Variants in FNBP1L observed in about 807,000 individuals in gnomAD.
FNBP1L encodes the protein formin-binding protein 1-like.
Under a neutral mutation model 91.2 loss-of-function variants are expected in FNBP1L, and 36 were observed. That is an observed-to-expected ratio of 0.39 (90% CI 0.30 to 0.52). The LOEUF is 0.52. Among genes scored for constraint, FNBP1L ranks in the 20% least tolerant of loss-of-function variants. The pLI, the probability that FNBP1L is intolerant of heterozygous loss-of-function variation, is 0.66. For synonymous variants in FNBP1L, 242 were observed against 237.0 expected (o/e 1.02, Z -0.19); for missense variants, 571 against 732.1 (o/e 0.78, Z 2.54).
intron 2 of FNBP1L, among the ~76,000 whole-genome samples, chr1:93,520,567 A>G (rs1035246126): frequency 6.6e-6 from 1 of 152,224 alleles, no homozygotes; most frequent in Non-Finnish European, 1.5e-5. Context: ...CTCATTGTAG[A>G]TTATTACCAA....
At chr1:93,476,333 G>T (rs910219245) in intron 1 of FNBP1L, among the ~76,000 whole-genome samples, 2 of 152,078 alleles carry the variant, frequency 1.3e-5, no homozygotes, top group African/African-American at 4.8e-5. Context: ...TACTTTCCAT[G>T]TTTGTATAAT....
At chr1:93,476,587 A>T (rs775201726) in intron 1 of FNBP1L, among the ~76,000 whole-genome samples, 8 of 152,212 alleles carry the variant, frequency 5.3e-5, no homozygotes, top group Non-Finnish European at 7.3e-5. Context: ...ATTCTGTAAG[A>T]TGATATCAGC....
intron 1 of FNBP1L, among the ~76,000 whole-genome samples, chr1:93,484,166 A>T (rs1669817343): frequency 6.6e-6 from 1 of 152,146 alleles, no homozygotes; most frequent in Non-Finnish European, 1.5e-5. Flanking sequence ...TGACCTTGTG[A>T]TCCTCCCGCC....
At chr1:93,449,314 A>G (rs910297199) in intron 1 of FNBP1L, among the ~76,000 whole-genome samples, 7 of 151,644 alleles carry the variant, frequency 4.6e-5, no homozygotes, top group African/African-American at 1.7e-4. Context: ...CGGCCGGGAG[A>G]ACTGGGGGCG....
chr1:93,549,587 A>G (rs533750839), intron 15 of FNBP1L, among the ~76,000 whole-genome samples, 161 bp downstream of exon 15: 1 of 152,308 alleles, frequency 6.6e-6, no homozygotes, highest in African/African-American at 2.4e-5. Context: ...CTGTATTACA[A>G]ATGTAGATAT....
intron 11 of FNBP1L, among the ~76,000 whole-genome samples, chr1:93,542,416 T>C (rs1672075570): frequency 7.3e-6 from 1 of 136,382 alleles, no homozygotes; most frequent in Admixed American, 8.0e-5. Context: ...GGTTGATTGA[T>C]ATCCTTGTTT....
At chr1:93,476,375 A>T (rs540474518) in intron 1 of FNBP1L, among the ~76,000 whole-genome samples, 1 of 152,278 alleles carries the variant, frequency 6.6e-6, no homozygotes, top group Non-Finnish European at 1.5e-5. Context: ...TCTCAAGGAG[A>T]GATTAAATGA....
intron 2 of FNBP1L, among the ~76,000 whole-genome samples, chr1:93,513,025 G>A (rs553132440): frequency 1.3e-5 from 2 of 151,914 alleles, no homozygotes; most frequent in African/African-American, 2.4e-5. Context: ...CAAACCACTA[G>A]CAAGACTAAT....
chr1:93,500,997 T>TA (rs1255333687), intron 2 of FNBP1L, among the ~76,000 whole-genome samples: 5 of 152,178 alleles, frequency 3.3e-5, no homozygotes, highest in Admixed American at 1.3e-4. Context: ...CTGGGAAACT[T>TA]ACCTCTCTAG....
In FNBP1L at chr1:93,532,962, G is replaced by T; in HGVS notation, c.680G>T (p.Ser227Ile). ...GACGAACGAAGGACTATTAAACTCA[G>T]TGAGTGTTACAGAGGATTTGCTGAC... Reference protein sequence around the residue: ...EMDERRTIKLSECYRGFADSE... With the variant: ...EMDERRTIKLIECYRGFADSE... The change falls in exon 8 of 17, where the codon AGT becomes ATT. Residue 227 changes from serine to isoleucine, a missense_variant. Physicochemically the swap from Ser to Ile is moderately radical, Grantham distance 142. This residue lies in a region of FNBP1L where 220 missense variants were observed against 313.6 expected (regional missense o/e 0.70). Transcript: ENST00000271234. 6.2e-7 allele frequency: 1 copy of T among 1,612,034 alleles called. No individual in the cohort carries two copies. The highest frequency in any genetic ancestry group is 8.5e-7 in the Non-Finnish European group (1 of 1,178,740).
intron 9 of FNBP1L, 78 bp from the exon 10 acceptor site, chr1:93,536,247 AGTATGTT>A (rs1671844562): frequency 1.0e-6 from 1 of 996,898 alleles, no homozygotes; most frequent in South Asian, 4.3e-5. Flanking sequence ...TTTTGTGAAA[AGTATGTT>A]GCCAAAAATA....
chr1:93,476,581 T>C (rs1168794984), intron 1 of FNBP1L, among the ~76,000 whole-genome samples: 1 of 152,186 alleles, frequency 6.6e-6, no homozygotes, highest in Non-Finnish European at 1.5e-5. Flanking sequence ...AGTAAAATTC[T>C]GTAAGATGAT....
At chr1:93,543,063 G>A (rs1423014734) in intron 11 of FNBP1L, among the ~76,000 whole-genome samples, 1 of 151,854 alleles carries the variant, frequency 6.6e-6, no homozygotes, top group Non-Finnish European at 1.5e-5. Flanking sequence ...CAAAGTGTTG[G>A]GATTACAGGC....
rs138365063 is a variant in FNBP1L at position 93,525,178 on chromosome 1, C to A, written c.405+855C>A. Among the ~76,000 whole-genome samples the A allele has an allele frequency of 8.0e-4, 121 of 151,986 alleles. 1 individual carries two copies. The highest frequency in any genetic ancestry group is 2.3e-3 in the African/African-American group (94 of 41,482). ...TTTACTAGCATATTTCTCTGGTGGA[C>A]ACTGCGTATTCCTTGAAAATTATGC... is the stretch of plus-strand genomic sequence containing the variant. On this transcript the variant is annotated intron_variant, in intron 5 of 16. Coordinates refer to ENST00000271234, the MANE Select transcript of FNBP1L (RefSeq NM_001164473.3).
chr1:93,541,795 G>A (rs1218672536), intron 11 of FNBP1L, among the ~76,000 whole-genome samples: 2 of 152,122 alleles, frequency 1.3e-5, no homozygotes, highest in African/African-American at 4.8e-5. Flanking sequence ...TGCCCCAGAG[G>A]TCTTCTGAAC....
intron 1 of FNBP1L, among the ~76,000 whole-genome samples, chr1:93,491,003 G>C (rs943139326): frequency 6.7e-6 from 1 of 150,366 alleles, no homozygotes; most frequent in African/African-American, 2.4e-5. Context: ...TGCAGTGTGC[G>C]ATCATGGCTC....
intron 1 of FNBP1L, among the ~76,000 whole-genome samples, chr1:93,468,006 C>T (rs1354880839): frequency 1.3e-5 from 2 of 152,152 alleles, no homozygotes; most frequent in Non-Finnish European, 2.9e-5. Flanking sequence ...TGTGCTTGCC[C>T]TAGTCATCCC....
Position 93,481,017 on chromosome 1 carries a change from G to A in FNBP1L, c.25-18451G>A, listed in dbSNP as rs555108176. On this transcript the variant is annotated intron_variant, in intron 1 of 16. Transcript: ENST00000271234. ...GAAAAAAAAAATCATAATCCCAATC[G>A]CTTCCTCCAATGTATGATGTGATTA... Among the ~76,000 whole-genome samples, 6 of 151,914 alleles carry A rather than the reference G, an allele frequency of 3.9e-5. No homozygotes were observed. The South Asian group carries it at 6.2e-4, about 16-fold the overall frequency.
In FNBP1L at chr1:93,522,105, C is replaced by G. The variant is rs1457542614; in HGVS notation, c.164C>G (p.Pro55Arg). 1 of 1,522,872 alleles carries G rather than the reference C, an allele frequency of 6.6e-7. No individual in the cohort carries two copies. The highest frequency in any genetic ancestry group is 8.8e-7 in the Non-Finnish European group (1 of 1,134,638). 94.3% of individuals were successfully genotyped at this position (1,522,872 alleles called of 1,614,324 possible). A position where few individuals can be genotyped will look rare whatever the true frequency, so the allele number is the denominator to read the frequency against. ...AGAAATCTGGTTAAGAAGTACTGCCCCAAACGTTCATCCAAAGATGAAGAG... is the reference window on the plus strand; with the variant it reads ...AGAAATCTGGTTAAGAAGTACTGCCGCAAACGTTCATCCAAAGATGAAGAG... Reference protein sequence around the residue: ...QLRNLVKKYCPKRSSKDEEPR... With the variant: ...QLRNLVKKYCRKRSSKDEEPR... The change falls in exon 3 of 17, where the codon CCC becomes CGC. Residue 55 changes from proline (P) to arginine (R), a missense_variant. Pro to Arg is a moderately radical substitution (Grantham distance 103, BLOSUM62 -2). Coordinates refer to ENST00000271234, the MANE Select transcript of FNBP1L (RefSeq NM_001164473.3).
Sources: allele counts gnomAD v4.1 joint callset (sites outside exome capture counted in the v4.1 genomes callset), GRCh38; gene constraint gnomAD v4.1.1; regional missense constraint gnomAD v4.1.1; transcripts MANE v1.5; gene names NCBI Gene and HGNC (gene_info 2026-07-23, HGNC 2026-07-21).